Variants in IL5RA observed in about 807,000 individuals in gnomAD.
IL5RA encodes the protein interleukin 5 receptor subunit alpha.
Under a neutral mutation model 50.0 loss-of-function variants are expected in IL5RA, and 49 were observed. That is an observed-to-expected ratio of 0.98 (90% CI 0.78 to 1.24). The LOEUF is 1.24. Ranked by LOEUF, IL5RA falls within the 50% of genes most tolerant of loss-of-function variation. IL5RA has a pLI of 0.00. For synonymous variants in IL5RA, 202 were observed against 174.0 expected, an observed-to-expected ratio of 1.16 and a Z score of -1.26; for missense variants, 600 against 500.4, an observed-to-expected ratio of 1.20 and a Z score of -1.90.
intron 8 of IL5RA, among the ~76,000 whole-genome samples, chr3:3,093,898 T>C (rs1703243333): frequency 6.6e-6 from 1 of 152,258 alleles, no homozygotes; most frequent in Non-Finnish European, 1.5e-5. Context: ...TCCTATTTTT[T>C]TTCCTAGCTT....
In IL5RA at chr3:3,066,698, G is replaced by T. The variant is rs756446859; in HGVS notation, c.*3527C>A. On this transcript the variant is annotated 3_prime_UTR_variant, in exon 12 of 12. Transcript: ENST00000446632. ...CACATAGAAGTCTCACCATGAAAAC[G>T]TTTGGATTTTTAATCAGGATGTTCT... 5 of 152,122 alleles carry T rather than the reference G, an allele frequency of 3.3e-5. No homozygotes were observed. The highest frequency in any genetic ancestry group is 5.9e-5 in the Non-Finnish European group (4 of 68,052). 9.4% of individuals were successfully genotyped at this position (152,122 alleles called of 1,614,324 possible).
In IL5RA at chr3:3,070,113, A is replaced by C; in HGVS notation, c.*112T>G. ...TCTGGGTGTATTGCTTCGCAGGTAA[A>C]TTGAGTGTTGCCTAAATTCTGAACA... On this transcript the variant is annotated 3_prime_UTR_variant, in exon 12 of 12. Transcript: ENST00000446632. 1.4e-6 allele frequency: 1 copy of C among 698,252 alleles called. No individual in the cohort carries two copies. The highest frequency in any genetic ancestry group is 2.5e-6 in the Non-Finnish European group (1 of 393,626). 43.3% of individuals were successfully genotyped at this position (698,252 alleles called of 1,614,324 possible).
In IL5RA at chr3:3,092,043, A is replaced by C. The variant is rs375456519; in HGVS notation, c.994+181T>G. 3.7e-5 allele frequency: 51 copies of C among 1,368,386 alleles called. No individual in the cohort carries two copies. The African/African-American group carries it at 6.3e-4, about 17-fold the overall frequency. 84.8% of individuals were successfully genotyped at this position (1,368,386 alleles called of 1,614,324 possible). ...CTAATGAGAAGCCTAGACACTTAAA[A>C]ACTTCACTGGCTTCATGGCAAATCT... On this transcript the variant is annotated intron_variant, in intron 9 of 11. Transcript: ENST00000446632. This position sits in a 1 kb window ranked among gnomAD's most constrained non-coding sequence, Gnocchi z 4.2.
chr3:3,076,326 TGC>T (rs1479926654), intron 10 of IL5RA, among the ~76,000 whole-genome samples: 1 of 146,690 alleles, frequency 6.8e-6, no homozygotes, highest in Non-Finnish European at 1.5e-5. Context: ...CTGCATTGTG[TGC>T]TCTGTCCAAC....
At chr3:3,095,545 C>A (rs182169253) in intron 7 of IL5RA, 101 bp from the exon 8 acceptor site, 11 of 983,894 alleles carry the variant, frequency 1.1e-5, no homozygotes, top group Admixed American at 2.4e-5. Flanking sequence ...TTCTAAGATA[C>A]GCTTTTTTCA....
At chr3:3,072,901 G>A (rs1315233414) in intron 11 of IL5RA, among the ~76,000 whole-genome samples, 1 of 152,188 alleles carries the variant, frequency 6.6e-6, no homozygotes, top group African/African-American at 2.4e-5. Context: ...GACAAAGCGA[G>A]ACTCCATCTC....
intron 11 of IL5RA, among the ~76,000 whole-genome samples, chr3:3,073,357 G>T (rs1348109886): frequency 6.6e-6 from 1 of 152,188 alleles, no homozygotes; most frequent in Non-Finnish European, 1.5e-5. Context: ...TAAATCAAGG[G>T]TTGGCAAACT....
In IL5RA at chr3:3,076,570, A is replaced by T. The variant is rs758201687; in HGVS notation, c.1052T>A (p.Ile351Asn). ...CGAGAGAATTAACAAGATGAAGCAG[A>T]TGGTTGCCATAATCACAATGACAAA... is the stretch of plus-strand genomic sequence containing the variant. The part of the protein sequence containing the change: ...EWFVIVIMAT[I>N]CFILLILSLI... The change falls in exon 10 of 12, where the codon ATC becomes AAC. Residue 351 changes from isoleucine (I) to asparagine (N), a missense_variant. Transcript: ENST00000446632. 1.1e-5 allele frequency: 17 copies of T among 1,612,462 alleles called. No individual in the cohort carries two copies. In the Admixed American group the frequency reaches 2.0e-4, roughly 19 times the overall value.
intron 9 of IL5RA, chr3:3,090,399 C>A (rs765785031): frequency 7.8e-6 from 5 of 637,646 alleles, no homozygotes; most frequent in Non-Finnish European, 1.1e-5. Context: ...CAACAGTTAA[C>A]GACGTGTGTG....
intron 5 of IL5RA, among the ~76,000 whole-genome samples, 171 bp from the exon 6 acceptor site, chr3:3,098,461 G>A (rs1420021026): frequency 1.3e-5 from 2 of 152,022 alleles, no homozygotes; most frequent in Non-Finnish European, 2.9e-5. Context: ...AGGCTGCAGT[G>A]CAGTGTTGCG....
rs1459405424 is a variant in IL5RA, at chr3:3,108,861, A to G, written c.-145-170T>C. Among the ~76,000 whole-genome samples the G allele has an allele frequency of 4.6e-5, 7 of 152,368 alleles. No homozygotes were observed. The East Asian group carries it at 7.7e-4, about 17-fold the overall frequency. On this transcript the variant is annotated intron_variant, in intron 1 of 11. Transcript: ENST00000446632. ...TTTCCCATGCGGTGTTTCAAATAATATAAACAAATGAGGTGATTTAACTTC... is the reference window on the plus strand; with the variant it reads ...TTTCCCATGCGGTGTTTCAAATAATGTAAACAAATGAGGTGATTTAACTTC...
At chr3:3,101,597 T>C in intron 5 of IL5RA, 95 bp downstream of exon 5, 1 of 1,269,650 alleles carries the variant, frequency 7.9e-7, no homozygotes. Context: ...AACGGGTGAC[T>C]GACTAAAGAA....
chr3:3,081,234 T>G (rs1702653908), intron 9 of IL5RA, among the ~76,000 whole-genome samples: 1 of 152,164 alleles, frequency 6.6e-6, no homozygotes, highest in South Asian at 2.1e-4. Flanking sequence ...TCTTAGTTAA[T>G]GTAAAGAGTA....
At chr3:3,087,594 C>T (rs1273074798) in intron 9 of IL5RA, among the ~76,000 whole-genome samples, 1 of 151,000 alleles carries the variant, frequency 6.6e-6, no homozygotes, top group East Asian at 2.0e-4. Flanking sequence ...ACTGCTGAGT[C>T]ATTTAGTATC....
At chr3:3,094,876 C>T (rs564744507) in intron 8 of IL5RA, among the ~76,000 whole-genome samples, 178 of 152,130 alleles carry the variant, frequency 1.2e-3, no homozygotes, top group Admixed American at 3.9e-3. Flanking sequence ...TATAGTCACG[C>T]GCCATCACGT....
chr3:3,102,538 CA>C (rs1559878863), intron 4 of IL5RA, 136 bp downstream of exon 4: 1 of 584,064 alleles, frequency 1.7e-6, no homozygotes, highest in Admixed American at 3.5e-5. Context: ...CTTAGAGAGA[CA>C]CTATTCTACT....
In IL5RA at chr3:3,077,288, T is replaced by C. The variant is rs543990879; in HGVS notation, c.995-661A>G. ...TTTGAATCTACATTTAAGGGACAGA[T>C]TCTTCTAGGAACTTCTTTTTTTTAT... On this transcript the variant is annotated intron_variant, in intron 9 of 11. Transcript: ENST00000446632. Among the ~76,000 whole-genome samples, 14 of 152,354 alleles carry C rather than the reference T, an allele frequency of 9.2e-5. No individual in the cohort carries two copies. In the East Asian group the frequency reaches 2.1e-3, roughly 23 times the overall value.
intron 5 of IL5RA, among the ~76,000 whole-genome samples, chr3:3,100,182 G>T (rs986832465): frequency 1.1e-4 from 17 of 151,902 alleles, no homozygotes; most frequent in Admixed American, 1.0e-3. Context: ...TCAAGTGGGA[G>T]CCTTGAGAGA....
At chr3:3,104,398 C>G (rs1703805574) in intron 3 of IL5RA, among the ~76,000 whole-genome samples, 2 of 152,322 alleles carry the variant, frequency 1.3e-5, no homozygotes, top group South Asian at 4.1e-4. Flanking sequence ...GCGCAATAGT[C>G]ACATATGGCT....
Sources: gnomAD v4.1 joint callset for allele counts (sites outside exome capture counted in the v4.1 genomes callset) on GRCh38, gnomAD v4.1.1 for gene constraint, Gnocchi (gnomAD v3.1) non-coding constraint, MANE v1.5 for transcripts, NCBI Gene and HGNC (gene_info 2026-07-23, HGNC 2026-07-21) for gene names.